Variants in CDCA4 observed in about 807,000 individuals in gnomAD.
CDCA4 encodes the protein cell division cycle associated 4.
For synonymous variants in CDCA4, 130 were observed against 137.0 expected (o/e 0.95, Z 0.36); for missense variants, 294 against 322.1 (o/e 0.91, Z 0.67).
intron 1 of CDCA4, among the ~76,000 whole-genome samples, chr14:105,020,398 C>G (rs551326309): frequency 6.6e-6 from 1 of 152,368 alleles, no homozygotes; most frequent in African/African-American, 2.4e-5. Flanking sequence ...CCACGACGAT[C>G]CTGTTTGCGG....
intron 1 of CDCA4, among the ~76,000 whole-genome samples, chr14:105,013,016 T>C (rs1469409662): frequency 1.3e-5 from 2 of 152,248 alleles, no homozygotes; most frequent in South Asian, 2.1e-4. Context: ...TCTCGGCGTA[T>C]GCCTCAGCAC....
intron 1 of CDCA4, among the ~76,000 whole-genome samples, chr14:105,018,473 CAT>C (rs1886142064): frequency 6.6e-6 from 1 of 152,174 alleles, no homozygotes; most frequent in Non-Finnish European, 1.5e-5. Context: ...TCACCCAGAA[CAT>C]GTGTTCAGGA....
Position 105,011,497 on chromosome 14 carries a change from C to G in CDCA4, c.433G>C (p.Ala145Pro), listed in dbSNP as rs533359730. The change falls in exon 2 of 2, where the codon GCC becomes CCC. Residue 145 changes from alanine to proline, a missense_variant. Coordinates refer to ENST00000336219, the MANE Select transcript of CDCA4 (RefSeq NM_017955.4). ...TCTCGAGGGCCATCCATCTCCCAGGCGCTGCTCTGCAGGTGCCTTGGTGCC... is the reference window on the plus strand; with the variant it reads ...TCTCGAGGGCCATCCATCTCCCAGGGGCTGCTCTGCAGGTGCCTTGGTGCC... ...AQAPRHLQSS[A>P]WEMDGPRENR... 10 of 1,614,066 alleles carry G rather than the reference C, an allele frequency of 6.2e-6. No individual in the cohort carries two copies. The highest frequency in any genetic ancestry group is 8.5e-6 in the Non-Finnish European group (10 of 1,180,042).
chr14:105,018,488 G>A (rs1886142334), intron 1 of CDCA4, among the ~76,000 whole-genome samples: 1 of 152,214 alleles, frequency 6.6e-6, no homozygotes, highest in Non-Finnish European at 1.5e-5. Context: ...GTTCAGGAGT[G>A]AAGAGGATAA....
chr14:105,014,608 C>T lies in CDCA4; in HGVS notation c.-6-2673G>A, dbSNP rs182272911. On this transcript the variant is annotated intron_variant, in intron 1 of 1. Transcript: ENST00000336219. ...ATTTCTATTACTTTTGGTAAATATT[C>T]GAGTTCTTTGTGTCAGCCACAAATT... Among the ~76,000 whole-genome samples the T allele has an allele frequency of 1.3e-3, 204 of 152,324 alleles. 2 individuals are homozygous for T. The highest frequency in any genetic ancestry group is 4.7e-3 in the African/African-American group (197 of 41,566).
intron 1 of CDCA4, among the ~76,000 whole-genome samples, chr14:105,017,851 C>CA (rs1317524430): frequency 1.2e-3 from 173 of 150,074 alleles, no homozygotes; most frequent in African/African-American, 3.7e-3. Flanking sequence ...CACACACACA[C>CA]AAAAAAAACA....
At position 105,011,409 on chromosome 14, in the gene CDCA4, G is replaced by A; in HGVS notation, c.521C>T (p.Pro174Leu). The A allele has an allele frequency of 1.2e-6, 2 of 1,614,220 alleles. No homozygotes were observed. The highest frequency in any genetic ancestry group is 8.5e-7 in the Non-Finnish European group (1 of 1,180,028). Reference sequence around the variant, plus strand: ...TGAGAACAGCTCTTCCATGCAGCTGGGGTTTTTAGTCTCCAGCGTTTCAAA... The same window carrying A: ...TGAGAACAGCTCTTCCATGCAGCTGAGGTTTTTAGTCTCCAGCGTTTCAAA... The part of the protein sequence containing the change: ...QIFETLETKN[P>L]SCMEELFSDV... The change falls in exon 2 of 2, where the codon CCC becomes CTC. Residue 174 changes from proline (P) to leucine (L), a missense_variant. Pro to Leu is a moderately conservative substitution (Grantham distance 98). Coordinates refer to ENST00000336219, the MANE Select transcript of CDCA4 (RefSeq NM_017955.4).
At chr14:105,014,232 G>A (rs976898002) in intron 1 of CDCA4, among the ~76,000 whole-genome samples, 7 of 152,164 alleles carry the variant, frequency 4.6e-5, no homozygotes, top group East Asian at 1.9e-4. Flanking sequence ...ACTGCACAGC[G>A]CCGGACACGC....
chr14:105,009,784 G>T lies in CDCA4; in HGVS notation c.*1420C>A, dbSNP rs1900449055. 1 of 152,084 alleles carries T rather than the reference G, an allele frequency of 6.6e-6. No homozygotes were observed. Among genetic ancestry groups the T allele is most frequent in the African/African-American group, 2.4e-5 (1 of 41,406 alleles). 9.4% of individuals were successfully genotyped at this position (152,084 alleles called of 1,614,324 possible). A position where few individuals can be genotyped will look rare whatever the true frequency, so the allele number is the denominator to read the frequency against. On this transcript the variant is annotated 3_prime_UTR_variant, in exon 2 of 2. Transcript: ENST00000336219. Reference sequence around the variant, plus strand: ...TTTGCTCTGCAACCCTGTGGGGGGGGGAAATAAAAGTAACCCAGCGTCCAT... The same window carrying T: ...TTTGCTCTGCAACCCTGTGGGGGGGTGAAATAAAAGTAACCCAGCGTCCAT...
intron 1 of CDCA4, among the ~76,000 whole-genome samples, chr14:105,018,514 A>G: frequency 6.6e-6 from 1 of 152,166 alleles, no homozygotes; most frequent in Admixed American, 6.5e-5. Flanking sequence ...GGCCCGGAGA[A>G]GCTGGCCTGT....
At chr14:105,012,616 C>T (rs1455356974) in intron 1 of CDCA4, among the ~76,000 whole-genome samples, 3 of 152,222 alleles carry the variant, frequency 2.0e-5, no homozygotes, top group African/African-American at 4.8e-5. Context: ...GTCTGTGTTT[C>T]GTGCACAATT....
intron 1 of CDCA4, 35 bp from the exon 2 acceptor site, chr14:105,011,970 G>A (rs772002709): frequency 1.9e-5 from 29 of 1,562,732 alleles, no homozygotes; most frequent in Admixed American, 3.5e-5. Flanking sequence ...CTTAGCACAC[G>A]GCAGACTCTC....
Position 105,011,712 on chromosome 14 carries a change from A to G in CDCA4, c.218T>C (p.Met73Thr), listed in dbSNP as rs754987081. ...ANTVRQIQEEMTQDGTWRTVA... is the reference protein window; with the variant it reads ...ANTVRQIQEETTQDGTWRTVA... ...TGTGCGCCACGTCCCATCCTGCGTC[A>G]TCTCCTCTTGGATCTGCCGGACCGT... Residue 73 changes from methionine to threonine, a missense_variant, in exon 2 of 2, where the codon ATG becomes ACG. Transcript: ENST00000336219. The G allele has an allele frequency of 1.2e-6, 2 of 1,613,608 alleles. No homozygotes were observed. Among genetic ancestry groups the G allele is most frequent in the Non-Finnish European group, 8.5e-7 (1 of 1,180,000 alleles).
rs1361782747 is a variant in CDCA4 at position 105,010,916 on chromosome 14, C to T, written c.*288G>A. The T allele has an allele frequency of 9.2e-6, 4 of 435,456 alleles. No homozygotes were observed. Among genetic ancestry groups the T allele is most frequent in the African/African-American group, 6.0e-5 (3 of 49,810 alleles). The allele number at this position is 435,456 out of a possible 1,614,324, so 27.0% of individuals were successfully genotyped here. ...GGAGGTTGATGCAGCTGCGGCTCAC[C>T]GTCCTCTACAGTGGGGGACACAAAG... On this transcript the variant is annotated 3_prime_UTR_variant, in exon 2 of 2. Transcript: ENST00000336219.
intron 1 of CDCA4, among the ~76,000 whole-genome samples, chr14:105,017,720 A>G (rs111795959): frequency 1.3e-5 from 2 of 151,962 alleles, no homozygotes; most frequent in Non-Finnish European, 2.9e-5. Flanking sequence ...AGTCCCAGCT[A>G]CTCGGGAGGC....
At chr14:105,012,849 C>T (rs1052072523) in intron 1 of CDCA4, among the ~76,000 whole-genome samples, 4 of 152,182 alleles carry the variant, frequency 2.6e-5, no homozygotes, top group Admixed American at 6.5e-5. Flanking sequence ...CTGACCAGCC[C>T]GTACAACCAT....
At position 105,011,671 on chromosome 14, in the gene CDCA4, C is replaced by A. The variant is rs1279402601; in HGVS notation, c.259G>T (p.Ala87Ser). The A allele has an allele frequency of 6.2e-7, 1 of 1,613,566 alleles. No individual in the cohort carries two copies. The highest frequency in any genetic ancestry group is 8.5e-7 in the Non-Finnish European group (1 of 1,179,980). Reference protein sequence around the residue: ...GTWRTVAPQAAERAPLDRLVS... With the variant: ...GTWRTVAPQASERAPLDRLVS... ...AAGCGGTCGAGCGGCGCCCGCTCTGCAGCCTGGGGTGCCACTGTGCGCCAC... is the reference window on the plus strand; with the variant it reads ...AAGCGGTCGAGCGGCGCCCGCTCTGAAGCCTGGGGTGCCACTGTGCGCCAC... The change falls in exon 2 of 2, where the codon GCA becomes TCA. Residue 87 changes from alanine (A) to serine (S), a missense_variant. Physicochemically the swap from Ala to Ser is moderately conservative, Grantham distance 99. Coordinates refer to ENST00000336219, the MANE Select transcript of CDCA4 (RefSeq NM_017955.4).
Position 105,011,534 on chromosome 14 carries a change from G to A in CDCA4, c.396C>T (p.Val132=). 8.1e-6 allele frequency: 13 copies of A among 1,614,152 alleles called. No homozygotes were observed. The highest frequency in any genetic ancestry group is 1.0e-5 in the Non-Finnish European group (12 of 1,180,016). Residue 132 remains valine, a synonymous_variant, in exon 2 of 2, where the codon GTC becomes GTT. Coordinates refer to ENST00000336219, the MANE Select transcript of CDCA4 (RefSeq NM_017955.4). ...GGTGCCTTGGTGCCTGTGCTGAGGT[G>A]ACTGGGCAAAGGTCAGAAACTGGAC... ...TQGPVSDLCP[V]TSAQAPRHLQ...
rs192042242 is a variant in CDCA4 at position 105,010,947 on chromosome 14, C to G, written c.*257G>C. 8 of 529,838 alleles carry G rather than the reference C, an allele frequency of 1.5e-5. No homozygotes were observed. In the East Asian group the frequency reaches 1.9e-4, roughly 12 times the overall value. The allele number at this position is 529,838 out of a possible 1,614,324, so 32.8% of individuals were successfully genotyped here. On this transcript the variant is annotated 3_prime_UTR_variant, in exon 2 of 2. Transcript: ENST00000336219. ...CTACAGTGGGGGACACAAAGAGACA[C>G]GAGGGGCCCAGGGCTGTGGGGACGT...
Sources: allele counts gnomAD v4.1 joint callset (sites outside exome capture counted in the v4.1 genomes callset), GRCh38; gene constraint gnomAD v4.1.1; transcripts MANE v1.5; gene names NCBI Gene and HGNC (gene_info 2026-07-23, HGNC 2026-07-21).